The following ARHGAP32 variants were observed in gnomAD, a reference collection of about 807,000 sequenced individuals.
ARHGAP32 encodes rho GTPase-activating protein 32.
In ARHGAP32, 51 loss-of-function variants were observed where a neutral mutation model predicts 186.5. The ratio of observed to expected loss-of-function variants is 0.27; its 90% CI spans 0.22 to 0.35. The LOEUF (loss-of-function observed/expected upper bound fraction) is 0.35, where lower values mean the gene tolerates loss of function less well. Among genes scored for constraint, ARHGAP32 ranks in the 10% least tolerant of loss-of-function variants. The probability of loss-of-function intolerance (pLI) is 1.00; values close to 1 mark genes in which losing one functional copy is unlikely to be tolerated. For synonymous variants in ARHGAP32, 950 were observed against 964.3 expected, an observed-to-expected ratio of 0.99 and a Z score of 0.27; for missense variants, 2,186 against 2,623.5, an observed-to-expected ratio of 0.83 and a Z score of 3.64.
intron 6 of ARHGAP32, among the ~76,000 whole-genome samples, chr11:129,079,331 A>G (rs1169475436): frequency 2.0e-5 from 3 of 152,102 alleles, no homozygotes; most frequent in Non-Finnish European, 4.4e-5. Flanking sequence ...GAAAAGAACC[A>G]TAAGAGCTGT....
chr11:129,078,312 C>A (rs1265601064), intron 6 of ARHGAP32, among the ~76,000 whole-genome samples: 3 of 151,916 alleles, frequency 2.0e-5, no homozygotes, highest in Non-Finnish European at 4.4e-5. Flanking sequence ...AACAGCAGAC[C>A]TTGAAGCCAA....
intron 1 of ARHGAP32, among the ~76,000 whole-genome samples, chr11:129,206,870 C>T (rs1172764329): frequency 1.3e-5 from 2 of 151,924 alleles, no homozygotes; most frequent in African/African-American, 4.8e-5. Context: ...CCATCATCTA[C>T]ATTAGGTATA....
intron 5 of ARHGAP32, among the ~76,000 whole-genome samples, chr11:129,096,628 A>G (rs2135282705): frequency 6.6e-6 from 1 of 152,116 alleles, no homozygotes; most frequent in South Asian, 2.1e-4. Context: ...CAAAAAGAAC[A>G]CTGCCTCCAA....
chr11:129,215,398 A>G (rs182922442), intron 1 of ARHGAP32, among the ~76,000 whole-genome samples: 4 of 152,290 alleles, frequency 2.6e-5, no homozygotes, highest in Admixed American at 2.6e-4. Context: ...TTAGTTTCCA[A>G]TTGCTGTTGT....
intron 10 of ARHGAP32, among the ~76,000 whole-genome samples, chr11:129,051,217 CA>C (rs1234216151): frequency 6.6e-6 from 1 of 152,188 alleles, no homozygotes; most frequent in Non-Finnish European, 1.5e-5. Flanking sequence ...GGAACTGCCA[CA>C]CTGTCTTCCA....
At chr11:128,987,127 AAAC>A (rs1565358777) in intron 13 of ARHGAP32, among the ~76,000 whole-genome samples, 1 of 152,240 alleles carries the variant, frequency 6.6e-6, no homozygotes, top group Non-Finnish European at 1.5e-5. Flanking sequence ...AAAAAGTCAG[AAAC>A]AACATAAAGC....
At chr11:129,261,321 G>A (rs567818297) in intron 1 of ARHGAP32, among the ~76,000 whole-genome samples, 10 of 152,198 alleles carry the variant, frequency 6.6e-5, no homozygotes, top group African/African-American at 2.4e-4. Context: ...CAAACCACTG[G>A]TGCCATTATA....
chr11:129,277,213 A>G (rs1481353801), intron 1 of ARHGAP32, among the ~76,000 whole-genome samples: 1 of 152,206 alleles, frequency 6.6e-6, no homozygotes, highest in African/African-American at 2.4e-5. Flanking sequence ...CAATAAAAAC[A>G]TCGTTTATAT....
At chr11:129,177,686 C>A (rs530606312) in intron 1 of ARHGAP32, among the ~76,000 whole-genome samples, 1 of 152,230 alleles carries the variant, frequency 6.6e-6, no homozygotes, top group Admixed American at 6.5e-5. Context: ...AAGACAAAAA[C>A]CACATGATTA....
At chr11:129,095,723 T>C (rs1042539681) in intron 5 of ARHGAP32, among the ~76,000 whole-genome samples, 7 of 152,244 alleles carry the variant, frequency 4.6e-5, no homozygotes, top group South Asian at 2.1e-4. Flanking sequence ...AGCTCTTGCA[T>C]AGGGCAAGGG....
intron 11 of ARHGAP32, among the ~76,000 whole-genome samples, chr11:129,029,746 G>A (rs1313023578): frequency 3.0e-5 from 4 of 135,408 alleles, no homozygotes; most frequent in African/African-American, 1.1e-4. Context: ...AGCTTGCAGT[G>A]AGCCGAGATC....
intron 11 of ARHGAP32, among the ~76,000 whole-genome samples, chr11:129,027,835 T>C (rs937279829): frequency 7.2e-5 from 11 of 152,236 alleles, no homozygotes; most frequent in Non-Finnish European, 1.5e-4. Context: ...CACACGTGAA[T>C]ACAAACACCA....
At chr11:129,235,900 AACACACACACACACACACACAC>A (rs57291313) in intron 1 of ARHGAP32, among the ~76,000 whole-genome samples, 43,515 of 145,742 alleles carry the variant, frequency 0.3, 6,617 homozygotes, top group Middle Eastern at 0.41. Flanking sequence ...GTCATTCATA[AACACACACACACACACACACAC>A]ACACACACAC....
intron 10 of ARHGAP32, among the ~76,000 whole-genome samples, chr11:129,058,756 T>A (rs549446228): frequency 5.8e-4 from 88 of 151,060 alleles, no homozygotes; most frequent in African/African-American, 2.1e-3. Flanking sequence ...AGAAAAAGTA[T>A]AAAAACCACC....
chr11:129,073,562 AG>A (rs1482689753), intron 6 of ARHGAP32, among the ~76,000 whole-genome samples: 1 of 152,170 alleles, frequency 6.6e-6, no homozygotes, highest in Non-Finnish European at 1.5e-5. Context: ...ACTAAAGAAA[AG>A]GAACAGAACA....
chr11:129,111,506 G>A (rs1201612532), intron 5 of ARHGAP32, among the ~76,000 whole-genome samples: 2 of 152,168 alleles, frequency 1.3e-5, no homozygotes, highest in African/African-American at 4.8e-5. Context: ...GTAGAAATCA[G>A]CAGTGAAGCC....
intron 11 of ARHGAP32, among the ~76,000 whole-genome samples, chr11:129,019,136 ATC>A (rs1938487135): frequency 1.3e-5 from 2 of 152,198 alleles, no homozygotes; most frequent in Admixed American, 6.5e-5. Flanking sequence ...GACTATTCCT[ATC>A]TCTGTGAATC....
intron 5 of ARHGAP32, among the ~76,000 whole-genome samples, chr11:129,102,849 T>A (rs961457826): frequency 7.2e-5 from 11 of 152,150 alleles, no homozygotes; most frequent in African/African-American, 2.7e-4. Context: ...AGAATTACTA[T>A]ATGACCTAGC....
At chr11:129,046,429 C>T (rs1160389502) in intron 10 of ARHGAP32, among the ~76,000 whole-genome samples, 1 of 151,768 alleles carries the variant, frequency 6.6e-6, no homozygotes, top group Non-Finnish European at 1.5e-5. Flanking sequence ...TATATTCATA[C>T]ACTTCGTCCT....
Sources: allele counts gnomAD v4.1 joint callset (sites outside exome capture counted in the v4.1 genomes callset), GRCh38; gene constraint gnomAD v4.1.1; transcripts MANE v1.5; gene names NCBI Gene and HGNC (gene_info 2026-07-23, HGNC 2026-07-21).